CABLES1: variants seen among roughly 807,000 people sequenced by gnomAD.
The protein encoded by CABLES1 is CDK5 and ABL1 enzyme substrate 1.
Under a neutral mutation model 57.8 loss-of-function variants are expected in CABLES1, and 36 were observed. The observed-to-expected ratio is 0.62, with a 90% CI of 0.48 to 0.82. The LOEUF (loss-of-function observed/expected upper bound fraction) is 0.82, where lower values mean the gene tolerates loss of function less well. Ranked by LOEUF, CABLES1 falls within the 40% of genes least tolerant of loss-of-function variation. The probability of loss-of-function intolerance (pLI) is 0.00; values close to 1 mark genes in which losing one functional copy is unlikely to be tolerated. For synonymous variants in CABLES1, 374 were observed against 363.0 expected (o/e 1.03, Z -0.35); for missense variants, 767 against 836.6 (o/e 0.92, Z 1.03).
At chr18:23,159,029 G>A (rs984033932) in intron 1 of CABLES1, among the ~76,000 whole-genome samples, 2 of 152,180 alleles carry the variant, frequency 1.3e-5, no homozygotes, top group African/African-American at 2.4e-5. Context: ...TGCAGGGCGC[G>A]ATCTCGGCTC....
intron 1 of CABLES1, 125 bp from the exon 2 acceptor site, chr18:23,188,713 C>A: frequency 1.4e-6 from 1 of 738,100 alleles, no homozygotes; most frequent in Non-Finnish European, 2.4e-6. Context: ...TTAGAGACAG[C>A]TTTTGTCTGA....
At chr18:23,255,643 T>A (rs2048145331) in intron 9 of CABLES1, among the ~76,000 whole-genome samples, 1 of 148,676 alleles carries the variant, frequency 6.7e-6, no homozygotes, top group Non-Finnish European at 1.5e-5. Context: ...CACTGCAGCC[T>A]CCACCTCCCA....
Position 23,135,859 on chromosome 18 carries a change from C to A in CABLES1, c.97C>A (p.Pro33Thr). 1 of 1,003,474 alleles carries A rather than the reference C, an allele frequency of 1.0e-6. No individual in the cohort carries two copies. Among genetic ancestry groups the A allele is most frequent in the Non-Finnish European group, 1.2e-6 (1 of 841,470 alleles). 62.2% of individuals were successfully genotyped at this position (1,003,474 alleles called of 1,614,324 possible). A position where few individuals can be genotyped will look rare whatever the true frequency, so the allele number is the denominator to read the frequency against. ...CGCCAGCGGATTGCAGCAGCCGCCGCCGCAGCCCCAGCCTCAGCCCGCGGC... is the reference window on the plus strand; with the variant it reads ...CGCCAGCGGATTGCAGCAGCCGCCGACGCAGCCCCAGCCTCAGCCCGCGGC... ...AGASGLQQPP[P>T]QPQPQPAAAA... The change falls in exon 1 of 10, where the codon CCG (proline) becomes ACG (threonine). Residue 33 changes from proline (P) to threonine (T), a missense_variant. Transcript: ENST00000256925.
At chr18:23,226,454 AG>A (rs2047528756) in intron 4 of CABLES1, among the ~76,000 whole-genome samples, 1 of 151,282 alleles carries the variant, frequency 6.6e-6, no homozygotes, top group Admixed American at 6.6e-5. Flanking sequence ...GGAAACCAAG[AG>A]GAGAGACTCA....
chr18:23,222,536 C>A (rs879421581), intron 4 of CABLES1, among the ~76,000 whole-genome samples: 4,641 of 147,218 alleles, frequency 0.032, 374 homozygotes, highest in Admixed American at 0.18. Flanking sequence ...CTCTCTGTCT[C>A]TCTCTCTATA....
At position 23,260,077 on chromosome 18, in the gene CABLES1, C is replaced by G. The variant is rs1339301775; in HGVS notation, c.*2710C>G. 3.3e-5 allele frequency: 5 copies of G among 152,244 alleles called. No homozygotes were observed. The highest frequency in any genetic ancestry group is 9.7e-5 in the African/African-American group (4 of 41,446). The allele number at this position is 152,244 out of a possible 1,614,324, so 9.4% of individuals were successfully genotyped here. On this transcript the variant is annotated 3_prime_UTR_variant, in exon 10 of 10. Transcript: ENST00000256925. ...AAGCAGACAAGCCAAGAGGTTGCTG[C>G]AGCTGCCCCCAGGAGGAAACGGGCA...
chr18:23,228,064 T>G (rs2047540962), intron 4 of CABLES1, among the ~76,000 whole-genome samples: 1 of 152,202 alleles, frequency 6.6e-6, no homozygotes, highest in Non-Finnish European at 1.5e-5. Flanking sequence ...GATCACACTT[T>G]TTCCATCTAG....
chr18:23,234,579 T>C (rs552086201), intron 4 of CABLES1, 29 bp from the exon 5 acceptor site: 25 of 1,486,566 alleles, frequency 1.7e-5, no homozygotes, highest in Non-Finnish European at 2.1e-5. Context: ...CACAAAAGCA[T>C]TTTTTTTTCC....
intron 2 of CABLES1, among the ~76,000 whole-genome samples, chr18:23,190,998 C>T (rs757074833): frequency 7.6e-5 from 11 of 144,424 alleles, no homozygotes; most frequent in African/African-American, 1.0e-4. Flanking sequence ...AACCCCAGCA[C>T]TTTGAGAGGT....
In CABLES1 at chr18:23,195,365, C is replaced by A. The variant is rs185470706; in HGVS notation, c.1010+825C>A. Reference sequence around the variant, plus strand: ...AGCTGAGGTCCTGCTGCAGAAGACTCTCTTGTTTGATCTCCTAATTTATAG... The same window carrying A: ...AGCTGAGGTCCTGCTGCAGAAGACTATCTTGTTTGATCTCCTAATTTATAG... On this transcript the variant is annotated intron_variant, in intron 3 of 9. Coordinates refer to ENST00000256925, the MANE Select transcript of CABLES1 (RefSeq NM_001100619.3). Among the ~76,000 whole-genome samples, 168 of 152,292 alleles carry A rather than the reference C, an allele frequency of 1.1e-3. 1 individual carries two copies. Among genetic ancestry groups the A allele is most frequent in the African/African-American group, 3.9e-3 (163 of 41,552 alleles).
chr18:23,207,505 G>T (rs1305974800), intron 3 of CABLES1, among the ~76,000 whole-genome samples: 2 of 152,142 alleles, frequency 1.3e-5, no homozygotes, highest in Admixed American at 1.3e-4. Context: ...TTTAGGCTGG[G>T]TTATTCTTCC....
At position 23,225,713 on chromosome 18, in the gene CABLES1, A is replaced by G. The variant is rs183397061; in HGVS notation, c.1089-8895A>G. Reference sequence around the variant, plus strand: ...CTAACACTTGCCAAGGCCAGCCTGAATCTTTCTGCCTTTTATCCACATTAG... The same window carrying G: ...CTAACACTTGCCAAGGCCAGCCTGAGTCTTTCTGCCTTTTATCCACATTAG... On this transcript the variant is annotated intron_variant, in intron 4 of 9. Coordinates refer to ENST00000256925, the MANE Select transcript of CABLES1 (RefSeq NM_001100619.3). Among the ~76,000 whole-genome samples, 42 of 152,332 alleles carry G rather than the reference A, an allele frequency of 2.8e-4. No homozygotes were observed. In the East Asian group the frequency reaches 7.9e-3, roughly 29 times the overall value.
At chr18:23,226,601 T>G (rs951135359) in intron 4 of CABLES1, among the ~76,000 whole-genome samples, 1 of 152,150 alleles carries the variant, frequency 6.6e-6, no homozygotes, top group African/African-American at 2.4e-5. Flanking sequence ...CTCCACTTAC[T>G]GCATCAATGA....
intron 1 of CABLES1, among the ~76,000 whole-genome samples, chr18:23,185,564 G>A (rs1046417849): frequency 1.3e-5 from 2 of 152,138 alleles, no homozygotes; most frequent in Non-Finnish European, 2.9e-5. Flanking sequence ...AGCCTGGGCA[G>A]CATCTGTGCT....
chr18:23,179,636 C>G (rs995809459), intron 1 of CABLES1, among the ~76,000 whole-genome samples: 1 of 152,246 alleles, frequency 6.6e-6, no homozygotes, highest in Non-Finnish European at 1.5e-5. Context: ...CTCTGTGGCT[C>G]TCCTCTTGGA....
Position 23,206,896 on chromosome 18 carries a change from G to C in CABLES1, c.1011-7081G>C, listed in dbSNP as rs536575618. Among the ~76,000 whole-genome samples the C allele has an allele frequency of 5.4e-5, 8 of 148,576 alleles. No individual in the cohort carries two copies. In the Admixed American group the frequency reaches 5.5e-4, roughly 10 times the overall value. On this transcript the variant is annotated intron_variant, in intron 3 of 9. Coordinates refer to ENST00000256925, the MANE Select transcript of CABLES1 (RefSeq NM_001100619.3). The stretch of plus-strand genomic sequence containing the variant: ...CACAATCATAGCCCACTGCAGCCTT[G>C]AACTCCTGGGCTCAAGCAATCCTTC...
At chr18:23,248,538 T>TA (rs1555671607) in intron 7 of CABLES1, among the ~76,000 whole-genome samples, 3,356 of 93,466 alleles carry the variant, frequency 0.036, 126 homozygotes, top group East Asian at 0.22. Context: ...TTTTTTTTTT[T>TA]AAAAAAAGGC....
intron 4 of CABLES1, chr18:23,214,297 A>G (rs2047426033): frequency 2.4e-6 from 1 of 423,174 alleles, no homozygotes; most frequent in Non-Finnish European, 4.2e-6. Context: ...ACATTTTGTT[A>G]CCTTATCCAA....
chr18:23,148,050 C>T (rs1474350781), intron 1 of CABLES1, among the ~76,000 whole-genome samples: 1 of 130,848 alleles, frequency 7.6e-6, no homozygotes, highest in African/African-American at 3.0e-5. Context: ...AGTGCAGCGG[C>T]GTGATCTCGG....
Sources: gnomAD v4.1 joint callset for allele counts (sites outside exome capture counted in the v4.1 genomes callset) on GRCh38, gnomAD v4.1.1 for gene constraint, MANE v1.5 for transcripts, NCBI Gene and HGNC (gene_info 2026-07-23, HGNC 2026-07-21) for gene names.